Variants in DUSP16 observed in about 807,000 individuals in gnomAD.
The protein encoded by DUSP16 is dual specificity phosphatase 16.
Under a neutral mutation model 58.3 loss-of-function variants are expected in DUSP16, and 21 were observed. The ratio of observed to expected loss-of-function variants is 0.36; its 90% CI spans 0.26 to 0.52. The LOEUF is 0.52. Ranked by LOEUF, DUSP16 falls within the 20% of genes least tolerant of loss-of-function variation. The pLI is 0.94. For missense variants in DUSP16, 726 were observed against 819.0 expected (o/e 0.89, Z 1.39); for synonymous variants, 320 against 323.8 (o/e 0.99, Z 0.12).
intron 3 of DUSP16, 33 bp from the exon 4 acceptor site, chr12:12,500,715 T>C: frequency 6.7e-7 from 1 of 1,491,352 alleles, no homozygotes. Context: ...TATAAAAAAT[T>C]ATGCCACGCA....
intron 4 of DUSP16, among the ~76,000 whole-genome samples, chr12:12,494,806 G>C (rs1415263322): frequency 2.0e-5 from 3 of 152,186 alleles, no homozygotes; most frequent in Non-Finnish European, 4.4e-5. Context: ...TCAAGCTAAA[G>C]AGTTTTACTG....
chr12:12,508,632 G>A (rs1944030940), intron 3 of DUSP16, among the ~76,000 whole-genome samples: 3 of 136,298 alleles, frequency 2.2e-5, no homozygotes, highest in Middle Eastern at 3.7e-3. Context: ...CAAGAGGAGA[G>A]TGGATAGATA....
chr12:12,487,604 C>G (rs1038913834), intron 4 of DUSP16, among the ~76,000 whole-genome samples: 2 of 152,164 alleles, frequency 1.3e-5, no homozygotes, highest in South Asian at 4.1e-4. Flanking sequence ...TCTAAATACT[C>G]TCTTTGAAGG....
chr12:12,512,516 TCTA>T (rs1566010938), intron 3 of DUSP16, among the ~76,000 whole-genome samples: 1 of 152,184 alleles, frequency 6.6e-6, no homozygotes, highest in African/African-American at 2.4e-5. Flanking sequence ...TAACCACCGT[TCTA>T]CTGTTTTCAT....
At chr12:12,537,394 C>T (rs1944483023) in intron 1 of DUSP16, among the ~76,000 whole-genome samples, 1 of 152,192 alleles carries the variant, frequency 6.6e-6, no homozygotes, top group Non-Finnish European at 1.5e-5. Flanking sequence ...ATGTATTCTA[C>T]ACAAAGCAAT....
At chr12:12,518,672 C>G (rs1477332222) in intron 3 of DUSP16, among the ~76,000 whole-genome samples, 1 of 152,154 alleles carries the variant, frequency 6.6e-6, no homozygotes. Context: ...CACACTCATA[C>G]TCCCAGTAAA....
rs1008854775 is a variant in DUSP16, at chr12:12,475,280, C to G, written c.*1553G>C. ...GTGAATTAAGGCTTCAAAAGAGGAC[C>G]CACATTGTAGCTGATAAAACTCAAG... On this transcript the variant is annotated 3_prime_UTR_variant, in exon 7 of 7. Transcript: ENST00000298573. The G allele has an allele frequency of 6.6e-6, 1 of 152,002 alleles. No individual in the cohort carries two copies. Among genetic ancestry groups the G allele is most frequent in the Non-Finnish European group, 1.5e-5 (1 of 68,030 alleles). 9.4% of individuals were successfully genotyped at this position (152,002 alleles called of 1,614,324 possible).
chr12:12,480,444 C>T, intron 5 of DUSP16, 98 bp from the exon 6 acceptor site: 1 of 1,423,770 alleles, frequency 7.0e-7, no homozygotes, highest in Non-Finnish European at 9.6e-7. Context: ...CACCTGAAAA[C>T]CTCTACGCAA....
rs1943424251 is a variant in DUSP16, at chr12:12,475,959, C to T, written c.*874G>A. 6.6e-6 allele frequency: 1 copy of T among 152,144 alleles called. No individual in the cohort carries two copies. Among genetic ancestry groups the T allele is most frequent in the East Asian group, 1.9e-4 (1 of 5,198 alleles). 9.4% of individuals were successfully genotyped at this position (152,144 alleles called of 1,614,324 possible). A position where few individuals can be genotyped will look rare whatever the true frequency, so the allele number is the denominator to read the frequency against. ...CCATTTTAAACAATTCTTTGATTTACAAAGAGGGAGGTAGACTCGTTAGCC... is the reference window on the plus strand; with the variant it reads ...CCATTTTAAACAATTCTTTGATTTATAAAGAGGGAGGTAGACTCGTTAGCC... On this transcript the variant is annotated 3_prime_UTR_variant, in exon 7 of 7. Coordinates refer to ENST00000298573, the MANE Select transcript of DUSP16 (RefSeq NM_030640.3).
chr12:12,560,937 T>A (rs905548027), intron 1 of DUSP16: 4 of 85,166 alleles, frequency 4.7e-5, no homozygotes, highest in African/African-American at 2.7e-4. Flanking sequence ...TTTGCATGGA[T>A]GGTAAATTTC....
intron 3 of DUSP16, among the ~76,000 whole-genome samples, chr12:12,503,111 G>A (rs966676189): frequency 6.6e-6 from 1 of 152,184 alleles, no homozygotes. Flanking sequence ...TCTATAAAAT[G>A]AGGATAATGA....
chr12:12,528,529 G>A (rs1194364340), intron 1 of DUSP16, among the ~76,000 whole-genome samples: 2 of 152,158 alleles, frequency 1.3e-5, no homozygotes, highest in South Asian at 2.1e-4. Flanking sequence ...GGATTAATTC[G>A]TGCATCCTGG....
At chr12:12,495,536 T>G (rs1215937635) in intron 4 of DUSP16, among the ~76,000 whole-genome samples, 1 of 152,192 alleles carries the variant, frequency 6.6e-6, no homozygotes, top group Non-Finnish European at 1.5e-5. Context: ...AAATAAGCTT[T>G]CTCCTGCAGT....
intron 3 of DUSP16, among the ~76,000 whole-genome samples, chr12:12,502,526 T>C (rs1374037272): frequency 1.3e-5 from 2 of 152,056 alleles, no homozygotes; most frequent in Non-Finnish European, 2.9e-5. Context: ...TCAGGATACC[T>C]GCACCTTACA....
intron 4 of DUSP16, among the ~76,000 whole-genome samples, chr12:12,492,540 G>A (rs977975316): frequency 3.9e-5 from 6 of 151,964 alleles, no homozygotes; most frequent in Non-Finnish European, 8.8e-5. Flanking sequence ...ATTTTCCACT[G>A]TACAGGATCA....
At chr12:12,552,046 A>T (rs1205391518) in intron 1 of DUSP16, among the ~76,000 whole-genome samples, 1 of 152,214 alleles carries the variant, frequency 6.6e-6, no homozygotes, top group African/African-American at 2.4e-5. Flanking sequence ...ACAAAATCAC[A>T]CACAGGTCAA....
At chr12:12,492,208 C>CT (rs1943770400) in intron 4 of DUSP16, among the ~76,000 whole-genome samples, 1 of 152,220 alleles carries the variant, frequency 6.6e-6, no homozygotes, top group Non-Finnish European at 1.5e-5. Context: ...AGTCCATTCA[C>CT]TTTTTCTCTT....
chr12:12,482,106 T>TA (rs763651470), intron 5 of DUSP16, among the ~76,000 whole-genome samples: 1 of 152,206 alleles, frequency 6.6e-6, no homozygotes, highest in Non-Finnish European at 1.5e-5. Context: ...TTTTGTTTTT[T>TA]AATGTTGACA....
chr12:12,542,547 T>C lies in DUSP16; in HGVS notation c.-366+19570A>G, dbSNP rs77460984. ...GTGATGAAAATGTCCTAGAATTAGATAGTAGTGATTACTACACAACTGTGA... is the reference window on the plus strand; with the variant it reads ...GTGATGAAAATGTCCTAGAATTAGACAGTAGTGATTACTACACAACTGTGA... On this transcript the variant is annotated intron_variant, in intron 1 of 6. Coordinates refer to ENST00000298573, the MANE Select transcript of DUSP16 (RefSeq NM_030640.3). Among the ~76,000 whole-genome samples, 1,205 of 152,266 alleles carry C rather than the reference T, an allele frequency of 7.9e-3. 7 individuals carry two copies. The highest frequency in any genetic ancestry group is 0.02 in the Middle Eastern group (6 of 294).
Sources: allele counts gnomAD v4.1 joint callset (sites outside exome capture counted in the v4.1 genomes callset), GRCh38; gene constraint gnomAD v4.1.1; transcripts MANE v1.5; gene names NCBI Gene and HGNC (gene_info 2026-07-23, HGNC 2026-07-21).